IKZF2: variants seen among roughly 807,000 people sequenced by gnomAD.
IKZF2 encodes IKAROS family zinc finger 2.
Under a neutral mutation model 49.2 loss-of-function variants are expected in IKZF2, and 15 were observed. The ratio of observed to expected loss-of-function variants is 0.30; its 90% confidence interval spans 0.20 to 0.47. The LOEUF is 0.47. IKZF2 is among the 20% of genes least tolerant of loss of function. The pLI is 1.00. For missense variants in IKZF2, 567 were observed against 664.6 expected (o/e 0.85, Z 1.61); for synonymous variants, 227 against 221.4 (o/e 1.03, Z -0.23).
Position 213,005,276 on chromosome 2 carries a change from A to G in IKZF2, c.*2084T>C, listed in dbSNP as rs1164824831. 6.6e-6 allele frequency: 1 copy of G among 151,712 alleles called. No homozygotes were observed. The highest frequency in any genetic ancestry group is 1.5e-5 in the Non-Finnish European group (1 of 67,870). 9.4% of individuals were successfully genotyped at this position (151,712 alleles called of 1,614,324 possible). A position where few individuals can be genotyped will look rare whatever the true frequency, so the allele number is the denominator to read the frequency against. On this transcript the variant is annotated 3_prime_UTR_variant, in exon 9 of 9. Transcript: ENST00000434687. ...TATGTACCAAGGCATGCAGAAAAAA[A>G]AAAATGAAATGGTTGACATTCTATA...
chr2:213,026,343 C>G (rs141390524), intron 6 of IKZF2, among the ~76,000 whole-genome samples: 1 of 152,210 alleles, frequency 6.6e-6, no homozygotes, highest in East Asian at 1.9e-4. Flanking sequence ...ACTTCCAACA[C>G]TCTATCATTC....
chr2:213,014,102 C>T (rs946516675), intron 7 of IKZF2, 168 bp from the exon 8 acceptor site: 4 of 526,838 alleles, frequency 7.6e-6, no homozygotes, highest in Non-Finnish European at 1.3e-5. Context: ...AATTTGCACA[C>T]ACACATATAC....
intron 6 of IKZF2, among the ~76,000 whole-genome samples, chr2:213,046,055 G>A (rs569098702): frequency 9.1e-5 from 11 of 121,300 alleles, no homozygotes; most frequent in African/African-American, 2.2e-4. Flanking sequence ...TAGATCCCTC[G>A]TGGTTTTATA....
At chr2:213,148,219 A>G (rs2061148356) in intron 3 of IKZF2, among the ~76,000 whole-genome samples, 1 of 152,230 alleles carries the variant, frequency 6.6e-6, no homozygotes, top group Admixed American at 6.5e-5. Flanking sequence ...TAGGAAAGCT[A>G]ATTCTCTTTC....
intron 4 of IKZF2, among the ~76,000 whole-genome samples, chr2:213,116,034 T>A (rs1252818695): frequency 6.6e-6 from 1 of 152,210 alleles, no homozygotes; most frequent in Non-Finnish European, 1.5e-5. Flanking sequence ...TGAACCTCTT[T>A]TAATGTAAAG....
At chr2:213,041,032 C>A (rs1316572757) in intron 6 of IKZF2, among the ~76,000 whole-genome samples, 1 of 151,846 alleles carries the variant, frequency 6.6e-6, no homozygotes, top group Non-Finnish European at 1.5e-5. Context: ...GCGGGGGAAC[C>A]ACTTAAACCC....
intron 6 of IKZF2, among the ~76,000 whole-genome samples, chr2:213,047,857 A>G (rs1011664330): frequency 6.6e-6 from 1 of 152,126 alleles, no homozygotes; most frequent in Non-Finnish European, 1.5e-5. Context: ...AAGACTCAGA[A>G]CCTATAAAAT....
At chr2:213,077,878 G>T (rs148622161) in intron 4 of IKZF2, among the ~76,000 whole-genome samples, 1 of 151,866 alleles carries the variant, frequency 6.6e-6, no homozygotes, top group African/African-American at 2.4e-5. Context: ...GTGAGCCACC[G>T]CACCCGGCCT....
intron 4 of IKZF2, among the ~76,000 whole-genome samples, chr2:213,061,872 A>T (rs1397940865): frequency 6.6e-6 from 1 of 151,612 alleles, no homozygotes; most frequent in South Asian, 2.1e-4. Flanking sequence ...TTGGTTACAT[A>T]ATAAATTTAT....
chr2:213,005,167 A>G lies in IKZF2; in HGVS notation c.*2193T>C, dbSNP rs1695223444. ...CCAAAAGGAAAAAAAATGGCATCCC[A>G]ATTATTATTTGGGAGTGGTTGGGTG... On this transcript the variant is annotated 3_prime_UTR_variant, in exon 9 of 9. Transcript: ENST00000434687. 1 of 120,522 alleles carries G rather than the reference A, an allele frequency of 8.3e-6. No individual in the cohort carries two copies. Among genetic ancestry groups the G allele is most frequent in the Non-Finnish European group, 1.7e-5 (1 of 59,724 alleles). The allele number at this position is 120,522 out of a possible 1,614,324, so 7.5% of individuals were successfully genotyped here.
intron 7 of IKZF2, among the ~76,000 whole-genome samples, chr2:213,021,136 C>T (rs956660726): frequency 3.3e-5 from 5 of 151,972 alleles, no homozygotes; most frequent in East Asian, 3.9e-4. Context: ...TCGCTTGAAC[C>T]GGGGAGGCAG....
intron 4 of IKZF2, among the ~76,000 whole-genome samples, chr2:213,067,868 C>T (rs1702306501): frequency 6.6e-6 from 1 of 152,094 alleles, no homozygotes; most frequent in Non-Finnish European, 1.5e-5. Context: ...TATTCAGCTA[C>T]TATAAAACCT....
intron 6 of IKZF2, among the ~76,000 whole-genome samples, chr2:213,043,365 T>TAAGTCTAC (rs1313186400): frequency 1.3e-5 from 2 of 152,214 alleles, no homozygotes; most frequent in Non-Finnish European, 2.9e-5. Context: ...GAGAAATTTT[T>TAAGTCTAC]AAGTCTACAA....
intron 5 of IKZF2, among the ~76,000 whole-genome samples, chr2:213,054,212 C>G (rs1021945103): frequency 1.3e-5 from 2 of 151,906 alleles, no homozygotes; most frequent in Non-Finnish European, 2.9e-5. Context: ...CCACTACACT[C>G]CAGCCTGGGC....
rs1471140372 is a variant in IKZF2, at chr2:213,023,812, T to C, written c.575-1682A>G. 2.6e-5 allele frequency among the ~76,000 whole-genome samples: 4 copies of C among 152,190 alleles called. 1 individual carries two copies. Among genetic ancestry groups the C allele is most frequent in the Non-Finnish European group, 1.5e-5 (1 of 68,016 alleles). ...AGCCCGCTGTAAACTACTTCAGTCA[T>C]TTCCGGGTCTTCCCTGGTATTAGTC... On this transcript the variant is annotated intron_variant, in intron 6 of 8. Transcript: ENST00000434687.
intron 4 of IKZF2, among the ~76,000 whole-genome samples, chr2:213,125,231 G>T (rs1259686824): frequency 6.6e-6 from 1 of 152,104 alleles, no homozygotes; most frequent in East Asian, 1.9e-4. Flanking sequence ...TCCATTCCCT[G>T]CCATTATCCT....
chr2:213,031,720 T>C (rs1330090182), intron 6 of IKZF2, among the ~76,000 whole-genome samples: 1 of 152,178 alleles, frequency 6.6e-6, no homozygotes, highest in Non-Finnish European at 1.5e-5. Context: ...CCTTACCACA[T>C]AAAATATTTT....
At chr2:213,074,660 T>C (rs553320789) in intron 4 of IKZF2, among the ~76,000 whole-genome samples, 3 of 152,306 alleles carry the variant, frequency 2.0e-5, no homozygotes, top group Non-Finnish European at 1.5e-5. Flanking sequence ...AAGACTGACA[T>C]TGCATTACCA....
intron 4 of IKZF2, among the ~76,000 whole-genome samples, chr2:213,068,881 T>C (rs1702401586): frequency 6.6e-6 from 1 of 150,604 alleles, no homozygotes; most frequent in African/African-American, 2.4e-5. Context: ...TTTCCTTCAG[T>C]TGAATGTTGG....
Sources: allele counts gnomAD v4.1 joint callset (sites outside exome capture counted in the v4.1 genomes callset), GRCh38; gene constraint gnomAD v4.1.1; transcripts MANE v1.5; gene names NCBI Gene and HGNC (gene_info 2026-07-23, HGNC 2026-07-21).